The following FKBP10 variants were observed in gnomAD, a reference collection of about 807,000 sequenced individuals.
FKBP10 encodes the protein FKBP prolyl isomerase 10, also known as peptidyl-prolyl cis-trans isomerase FKBP10.
A neutral mutation model predicts 53.7 loss-of-function variants in FKBP10; 34 were observed. The ratio of observed to expected loss-of-function variants is 0.63; its 90% CI spans 0.48 to 0.84. The LOEUF (loss-of-function observed/expected upper bound fraction) is 0.84. Ranked by LOEUF, FKBP10 falls within the 40% of genes least tolerant of loss-of-function variation. The pLI is 0.00. For synonymous variants in FKBP10, 324 were observed against 335.7 expected (o/e 0.97, Z 0.38); for missense variants, 748 against 797.8 (o/e 0.94, Z 0.75).
chr17:41,822,477 G>GTC lies in FKBP10; in HGVS notation c.*69_*70insTC. 1 of 1,513,530 alleles carries GTC rather than the reference G, an allele frequency of 6.6e-7. No homozygotes were observed. The highest frequency in any genetic ancestry group is 9.0e-7 in the Non-Finnish European group (1 of 1,116,100). The allele number at this position is 1,513,530 out of a possible 1,614,324, so 93.8% of individuals were successfully genotyped here. ...CGAGGGGGACAGTGGCGGTGGGACT[G>GTC]ACCTGCTGACAGTCACCCTCCCTCT... On this transcript the variant is annotated 3_prime_UTR_variant, in exon 10 of 10. Transcript: ENST00000321562.
intron 1 of FKBP10, among the ~76,000 whole-genome samples, chr17:41,815,497 G>C (rs184694937): frequency 6.8e-6 from 1 of 146,156 alleles, no homozygotes; most frequent in African/African-American, 2.6e-5. Flanking sequence ...ACAGAGTCTT[G>C]CTCTGTCCCC....
Position 41,820,113 on chromosome 17 carries a change from T to A in FKBP10, c.1064-156T>A, listed in dbSNP as rs2144063098. The A allele has an allele frequency of 3.3e-6, 4 of 1,215,398 alleles. No homozygotes were observed. In the South Asian group the frequency reaches 5.7e-5, roughly 17 times the overall value. The allele number at this position is 1,215,398 out of a possible 1,614,324, so 75.3% of individuals were successfully genotyped here. A position where few individuals can be genotyped will look rare whatever the true frequency, so the allele number is the denominator to read the frequency against. ...CCCCTGCCCCCTGCCCCAGTGAAAG[T>A]TTGTTAGAATTGACTCTGGACAAAC... On this transcript the variant is annotated intron_variant, in intron 6 of 9. Coordinates refer to ENST00000321562, the MANE Select transcript of FKBP10 (RefSeq NM_021939.4).
intron 7 of FKBP10, 164 bp from the exon 8 acceptor site, chr17:41,820,783 C>A (rs2047880728): frequency 6.1e-6 from 6 of 989,168 alleles, no homozygotes; most frequent in Admixed American, 2.8e-5. Context: ...GAAGGGAACC[C>A]CACGTCTGCA....
rs1424755311 is a variant in FKBP10, at chr17:41,819,624, C to T, written c.1012C>T (p.Arg338Cys). The T allele has an allele frequency of 2.5e-6, 4 of 1,612,894 alleles. No individual in the cohort carries two copies. Among genetic ancestry groups the T allele is most frequent in the East Asian group, 4.5e-5 (2 of 44,878 alleles). ...GCTGCAGGGTGCCTGCATGGGGGAA[C>T]GCCGGAGAATTACCATCCCCCCGCA... ...QGLQGACMGE[R>C]RRITIPPHLA... The change falls in exon 6 of 10, where the codon CGC becomes TGC. Residue 338 changes from arginine to cysteine, a missense_variant. By Grantham distance (180) the Arg-to-Cys change is radical. Transcript: ENST00000321562.
intron 8 of FKBP10, 128 bp from the exon 9 acceptor site, chr17:41,821,526 C>A: frequency 8.5e-7 from 1 of 1,177,654 alleles, no homozygotes; most frequent in Non-Finnish European, 1.2e-6. Flanking sequence ...GCTCCTTAAA[C>A]ATCCCATGCC....
At chr17:41,820,667 A>G in intron 7 of FKBP10, 1 of 674,152 alleles carries the variant, frequency 1.5e-6, no homozygotes, top group Non-Finnish European at 2.5e-6. Flanking sequence ...GGGAAGGTGA[A>G]GCCAACAGTT....
Position 41,819,463 on chromosome 17 carries a change from C to T in FKBP10, c.917+64C>T, listed in dbSNP as rs1434572078. On this transcript the variant is annotated intron_variant, in intron 5 of 9. Transcript: ENST00000321562. The stretch of plus-strand genomic sequence containing the variant: ...GAAACGTGGACGAAGCTGGGGGTCA[C>T]TCTGAGCTGCCTGGAAGGGGAGGGC... 6 of 1,613,790 alleles carry T rather than the reference C, an allele frequency of 3.7e-6. No individual in the cohort carries two copies. In the African/African-American group the frequency reaches 6.7e-5, roughly 18 times the overall value.
intron 7 of FKBP10, 90 bp from the exon 8 acceptor site, chr17:41,820,857 G>A: frequency 6.5e-7 from 1 of 1,531,812 alleles, no homozygotes; most frequent in Non-Finnish European, 8.8e-7. Flanking sequence ...CCGGAACTGA[G>A]GGCTTGTTCT....
chr17:41,817,951 A>ACAAAAAT (rs770087495), intron 2 of FKBP10, 138 bp from the exon 3 acceptor site: 112 of 918,980 alleles, frequency 1.2e-4, no homozygotes, highest in Non-Finnish European at 1.6e-4. Flanking sequence ...AAAAAAAAAA[A>ACAAAAAT]CAAAAATAGT....
intron 1 of FKBP10, among the ~76,000 whole-genome samples, chr17:41,815,000 C>T (rs1322324411): frequency 2.0e-5 from 3 of 152,210 alleles, no homozygotes; most frequent in Non-Finnish European, 2.9e-5. Flanking sequence ...CAACCTCCGC[C>T]TCTGCCTCCC....
chr17:41,817,074 TTGGTGGCCATCG>T lies in FKBP10; in HGVS notation c.269_280del (p.Ala90_Val93del). 6.2e-7 allele frequency: 1 copy of T among 1,614,032 alleles called. No homozygotes were observed. Among genetic ancestry groups the T allele is most frequent in the Non-Finnish European group, 8.5e-7 (1 of 1,180,022 alleles). ...CCCCCCCAGCTATGATCGCAACACCTTGGTGGCCATCGTGGTGGGTGTGGGGCGCCTCATCAC... is the reference window on the plus strand; with the variant it reads ...CCCCCCCAGCTATGATCGCAACACCTTGGTGGGTGTGGGGCGCCTCATCAC... On this transcript the variant is annotated inframe_deletion, in exon 2 of 10. Coordinates refer to ENST00000321562, the MANE Select transcript of FKBP10 (RefSeq NM_021939.4).
chr17:41,820,331 C>A lies in FKBP10; in HGVS notation c.1126C>A (p.Pro376Thr). ...FNVHVIDFHN[P>T]ADVVEIRTLS... is the part of the protein sequence containing the mutation. ...CGTCCATGTCATTGACTTCCACAAC[C>A]CTGCGGATGTGGTGGAAATCAGGAC... The change falls in exon 7 of 10, where the codon CCT becomes ACT. Residue 376 changes from proline to threonine, a missense_variant. By Grantham distance (38) the Pro-to-Thr change is conservative (BLOSUM62 -1). Coordinates refer to ENST00000321562, the MANE Select transcript of FKBP10 (RefSeq NM_021939.4). 1.9e-6 allele frequency: 3 copies of A among 1,614,200 alleles called. No homozygotes were observed. The highest frequency in any genetic ancestry group is 2.5e-6 in the Non-Finnish European group (3 of 1,180,028).
chr17:41,816,215 T>C (rs985954050), intron 1 of FKBP10, among the ~76,000 whole-genome samples: 6 of 149,448 alleles, frequency 4.0e-5, no homozygotes, highest in Non-Finnish European at 5.9e-5. Context: ...GCCATGGCAC[T>C]TTTAGAATAG....
At chr17:41,819,094 A>C (rs958514415) in intron 4 of FKBP10, 116 bp from the exon 5 acceptor site, 5 of 1,082,778 alleles carry the variant, frequency 4.6e-6, no homozygotes, top group Non-Finnish European at 5.6e-6. Context: ...TGGGCGGGAA[A>C]GGGCTCTGGA....
At chr17:41,822,000 A>G (rs536075489) in intron 9 of FKBP10, among the ~76,000 whole-genome samples, 183 bp downstream of exon 9, 2 of 151,592 alleles carry the variant, frequency 1.3e-5, no homozygotes, top group East Asian at 3.9e-4. Flanking sequence ...GCTGTTCCCT[A>G]CCTGAGACCA....
chr17:41,815,353 T>C (rs1555615972), intron 1 of FKBP10, among the ~76,000 whole-genome samples: 3 of 151,944 alleles, frequency 2.0e-5, no homozygotes, highest in Admixed American at 6.6e-5. Context: ...GAGATGGCGT[T>C]TCACCATGTT....
chr17:41,820,127 C>T (rs2047871940), intron 6 of FKBP10, 142 bp from the exon 7 acceptor site: 1 of 1,238,600 alleles, frequency 8.1e-7, no homozygotes, highest in African/African-American at 1.5e-5. Flanking sequence ...TTAGAATTGA[C>T]TCTGGACAAA....
chr17:41,821,033 T>G lies in FKBP10; in HGVS notation c.1343T>G (p.Val448Gly). The G allele has an allele frequency of 6.3e-7, 1 of 1,596,422 alleles. No homozygotes were observed. The highest frequency in any genetic ancestry group is 8.5e-7 in the Non-Finnish European group (1 of 1,173,102). The change falls in exon 8 of 10, where the codon GTG becomes GGG. Residue 448 changes from valine to glycine, a missense_variant. Val to Gly is a moderately radical substitution (Grantham distance 109). Transcript: ENST00000321562. ...GACACGGGCCTGCAGGGCATGTGTG[T>G]GGGAGAGAGGCGGCAGCTCATCGTG... Reference protein sequence around the residue: ...GLDTGLQGMCVGERRQLIVPP... With the variant: ...GLDTGLQGMCGGERRQLIVPP...
intron 4 of FKBP10, 62 bp downstream of exon 4, chr17:41,818,589 A>C (rs2047846630): frequency 3.7e-6 from 6 of 1,603,740 alleles, no homozygotes; most frequent in Admixed American, 1.7e-5. Context: ...AGGCCTCCAC[A>C]TACAGTTGCT....
Sources: allele counts gnomAD v4.1 joint callset (sites outside exome capture counted in the v4.1 genomes callset), GRCh38; gene constraint gnomAD v4.1.1; transcripts MANE v1.5; gene names NCBI Gene and HGNC (gene_info 2026-07-23, HGNC 2026-07-21).